Variants in CTNND2 observed in about 807,000 individuals in gnomAD.
CTNND2 encodes the protein catenin delta-2.
A neutral mutation model predicts 144.4 loss-of-function variants in CTNND2; 22 were observed. The ratio of observed to expected loss-of-function variants is 0.15; its 90% CI spans 0.11 to 0.22. CTNND2 has a LOEUF of 0.22. CTNND2 is among the 10% of genes least tolerant of loss of function. CTNND2 has a pLI of 1.00. For missense variants in CTNND2, 1,353 were observed against 1,618.8 expected, an observed-to-expected ratio of 0.84 and a Z score of 2.82; for synonymous variants, 751 against 695.6, an observed-to-expected ratio of 1.08 and a Z score of -1.25.
At chr5:11,632,877 A>C (rs1231456000) in intron 2 of CTNND2, among the ~76,000 whole-genome samples, 2 of 152,198 alleles carry the variant, frequency 1.3e-5, no homozygotes, top group African/African-American at 4.8e-5. Context: ...ACTAGAGGGA[A>C]TCCACAGTAA....
intron 1 of CTNND2, among the ~76,000 whole-genome samples, chr5:11,854,425 G>C (rs1795159652): frequency 6.6e-6 from 1 of 152,178 alleles, no homozygotes; most frequent in African/African-American, 2.4e-5. Context: ...TAGCCAAGCA[G>C]ACACTTAAAA....
chr5:11,396,969 C>T (rs994198874), intron 6 of CTNND2, 62 bp downstream of exon 6: 3 of 1,494,954 alleles, frequency 2.0e-6, no homozygotes, highest in Admixed American at 1.9e-5. Flanking sequence ...ACATCCACTG[C>T]ATGCCCATTC....
At chr5:11,281,238 AG>A (rs1369026384) in intron 9 of CTNND2, among the ~76,000 whole-genome samples, 1 of 152,188 alleles carries the variant, frequency 6.6e-6, no homozygotes, top group African/African-American at 2.4e-5. Context: ...AAGGTCACTG[AG>A]GGAAAGGAAA....
chr5:11,243,865 C>T (rs1742710965), intron 9 of CTNND2, among the ~76,000 whole-genome samples: 2 of 152,224 alleles, frequency 1.3e-5, no homozygotes, highest in Non-Finnish European at 2.9e-5. Context: ...CTCACAATTT[C>T]ACACTATTTT....
In CTNND2 at chr5:11,707,027, A is replaced by G. The variant is rs544900267; in HGVS notation, c.174+25109T>C. ...TGTGAACCCAGGAGGCGGAGCTTGC[A>G]GTGAGCCGAGATCACGCCACTGCAC... On this transcript the variant is annotated intron_variant, in intron 2 of 21. Transcript: ENST00000304623. 4.2e-3 allele frequency among the ~76,000 whole-genome samples: 644 copies of G among 151,586 alleles called. 4 individuals carry two copies. The highest frequency in any genetic ancestry group is 8.0e-3 in the Non-Finnish European group (541 of 67,860).
At chr5:11,095,409 G>T (rs1008798208) in intron 15 of CTNND2, among the ~76,000 whole-genome samples, 1 of 152,218 alleles carries the variant, frequency 6.6e-6, no homozygotes, top group Admixed American at 6.5e-5. Context: ...ATCATAAAAT[G>T]TGACCATCTG....
intron 6 of CTNND2, among the ~76,000 whole-genome samples, chr5:11,389,651 G>A (rs1182035279): frequency 2.6e-5 from 4 of 152,154 alleles, no homozygotes; most frequent in African/African-American, 9.6e-5. Context: ...TATTCCAACA[G>A]CCATTAATGA....
chr5:11,662,339 C>T (rs11745539), intron 2 of CTNND2, among the ~76,000 whole-genome samples: 9,080 of 150,314 alleles, frequency 0.06, 413 homozygotes, highest in South Asian at 0.098. Context: ...CACACAATCA[C>T]GATCACAAGA....
intron 2 of CTNND2, among the ~76,000 whole-genome samples, chr5:11,589,833 C>T (rs768071396): frequency 5.3e-5 from 8 of 152,128 alleles, no homozygotes; most frequent in African/African-American, 9.7e-5. Context: ...ACAGAGGTAA[C>T]GCCCCAGTGG....
intron 3 of CTNND2, among the ~76,000 whole-genome samples, chr5:11,538,654 A>G (rs1440380127): frequency 1.3e-5 from 2 of 152,188 alleles, no homozygotes. Flanking sequence ...ATCATTACTC[A>G]AAGACATTCT....
chr5:11,882,567 C>A (rs903727269), intron 1 of CTNND2, among the ~76,000 whole-genome samples: 1 of 152,008 alleles, frequency 6.6e-6, no homozygotes, highest in Non-Finnish European at 1.5e-5. Context: ...ATTGTCTTTT[C>A]CCCCACTGTG....
At chr5:11,192,127 AG>A (rs1736328083) in intron 11 of CTNND2, among the ~76,000 whole-genome samples, 1 of 152,220 alleles carries the variant, frequency 6.6e-6, no homozygotes. Context: ...AAATGTTGCA[AG>A]GTGGCAACAA....
Position 11,400,359 on chromosome 5 carries a change from A to C in CTNND2, c.440-3156T>G, listed in dbSNP as rs565722267. On this transcript the variant is annotated intron_variant, in intron 5 of 21. Transcript: ENST00000304623. ...GAACTGTGAGCAACAGCGGATCATC[A>C]TGTCCTTCTTGGCCACAGAGAGCAG... 2.0e-3 allele frequency among the ~76,000 whole-genome samples: 300 copies of C among 152,270 alleles called. 1 individual carries two copies. The highest frequency in any genetic ancestry group is 3.6e-3 in the Non-Finnish European group (243 of 68,014).
Position 11,152,033 on chromosome 5 carries a change from A to G in CTNND2, c.2159+7543T>C, listed in dbSNP as rs1561390204. Among the ~76,000 whole-genome samples the G allele has an allele frequency of 5.3e-5, 8 of 152,334 alleles. No individual in the cohort carries two copies. In the South Asian group the frequency reaches 1.7e-3, roughly 32 times the overall value. The stretch of plus-strand genomic sequence containing the variant: ...ACAGATACAAAGCTCAAGGGCTACA[A>G]GATAGAAACTTTAAGCCAGCTTCAA... On this transcript the variant is annotated intron_variant, in intron 12 of 21. Coordinates refer to ENST00000304623, the MANE Select transcript of CTNND2 (RefSeq NM_001332.4).
At chr5:11,397,351 T>C in intron 5 of CTNND2, 148 bp from the exon 6 acceptor site, 1 of 615,212 alleles carries the variant, frequency 1.6e-6, no homozygotes, top group Non-Finnish European at 2.6e-6. Context: ...AATGACCATA[T>C]AATTTGACTC....
intron 5 of CTNND2, among the ~76,000 whole-genome samples, chr5:11,404,589 C>A (rs2149827147): frequency 8.9e-6 from 1 of 111,886 alleles, no homozygotes; most frequent in African/African-American, 3.0e-5. Flanking sequence ...CAGTATCTGT[C>A]AGTATCTGTA....
chr5:11,291,331 C>T (rs996245124), intron 9 of CTNND2, among the ~76,000 whole-genome samples: 7 of 152,032 alleles, frequency 4.6e-5, no homozygotes, highest in African/African-American at 1.7e-4. Context: ...GAATTTCCTT[C>T]TCACTGTTTA....
At chr5:11,068,087 A>G (rs1452021471) in intron 16 of CTNND2, among the ~76,000 whole-genome samples, 2 of 152,202 alleles carry the variant, frequency 1.3e-5, no homozygotes, top group Non-Finnish European at 1.5e-5. Flanking sequence ...TTCTAATCAG[A>G]GAAATGGGAT....
chr5:11,873,514 G>A (rs1735320351), intron 1 of CTNND2, among the ~76,000 whole-genome samples: 1 of 152,120 alleles, frequency 6.6e-6, no homozygotes, highest in Admixed American at 6.6e-5. Flanking sequence ...ATCACAAAGA[G>A]ATTTTATTGA....
Sources: allele counts gnomAD v4.1 joint callset (sites outside exome capture counted in the v4.1 genomes callset), GRCh38; gene constraint gnomAD v4.1.1; transcripts MANE v1.5; gene names NCBI Gene and HGNC (gene_info 2026-07-23, HGNC 2026-07-21).